The following COL17A1 variants were observed in gnomAD, a reference collection of about 807,000 sequenced individuals.
COL17A1 encodes the protein collagen alpha-1(XVII) chain.
A neutral mutation model predicts 218.4 loss-of-function variants in COL17A1; 181 were observed. The observed-to-expected ratio is 0.83, with a 90% CI of 0.73 to 0.94. COL17A1 has a LOEUF of 0.94. COL17A1 is among the 40% of genes least tolerant of loss of function. The pLI, the probability that COL17A1 is intolerant of heterozygous loss-of-function variation, is 0.00. For synonymous variants in COL17A1, 721 were observed against 731.0 expected, an observed-to-expected ratio of 0.99 and a Z score of 0.22; for missense variants, 1,924 against 1,945.9, an observed-to-expected ratio of 0.99 and a Z score of 0.21.
intron 32 of COL17A1, among the ~76,000 whole-genome samples, 165 bp downstream of exon 32, chr10:104,046,582 T>G (rs1042644027): frequency 2.0e-5 from 3 of 152,174 alleles, no homozygotes; most frequent in Admixed American, 1.3e-4. Context: ...TCTGTGCCTA[T>G]TTTTCCTTCC....
chr10:104,034,821 A>G (rs1360090867), intron 50 of COL17A1, 54 bp from the exon 51 acceptor site: 1 of 1,595,486 alleles, frequency 6.3e-7, no homozygotes, highest in Non-Finnish European at 8.5e-7. Flanking sequence ...AGGAAGCTGA[A>G]TTCCCAGCCT....
At chr10:104,081,620 C>T (rs988151547) in intron 1 of COL17A1, among the ~76,000 whole-genome samples, 10 of 152,198 alleles carry the variant, frequency 6.6e-5, no homozygotes, top group African/African-American at 2.2e-4. Context: ...TGGTTCTCTC[C>T]CTTCCTCTAA....
intron 50 of COL17A1, 100 bp from the exon 51 acceptor site, chr10:104,034,867 G>T (rs1046589421): frequency 2.0e-6 from 3 of 1,491,810 alleles, no homozygotes; most frequent in African/African-American, 1.4e-5. Flanking sequence ...CTGAAAGGAG[G>T]GGATGAGGCT....
chr10:104,039,711 C>T, intron 41 of COL17A1, 71 bp from the exon 42 acceptor site: 1 of 1,607,456 alleles, frequency 6.2e-7, no homozygotes, highest in Non-Finnish European at 8.5e-7. Flanking sequence ...GTAGAGCCTC[C>T]CCAAGATCCA....
At chr10:104,036,187 AGTGTGTGT>A (rs150057929) in intron 48 of COL17A1, among the ~76,000 whole-genome samples, 2 of 2,636 alleles carry the variant, frequency 7.6e-4, no homozygotes, top group Non-Finnish European at 1.6e-3. Context: ...TATGGAAGTG[AGTGTGTGT>A]GTGTATGGGA....
rs187810834 is a variant in COL17A1 at position 104,039,557 on chromosome 10, G to T, written c.2822-38C>A. 1,360 of 1,614,164 alleles carry T rather than the reference G, an allele frequency of 8.4e-4. 2 individuals are homozygous for T. Among genetic ancestry groups the T allele is most frequent in the Middle Eastern group, 7.9e-3 (48 of 6,062 alleles). The stretch of plus-strand genomic sequence containing the variant: ...AACACACACAGTGCAGTCAGCCAGG[G>T]TTTGGAGAGGCTCTGGCCAGAGCCA... On this transcript the variant is annotated intron_variant, in intron 42 of 55. Coordinates refer to ENST00000648076, the MANE Select transcript of COL17A1 (RefSeq NM_000494.4).
chr10:104,032,306 T>C lies in COL17A1; in HGVS notation c.4439-16A>G, dbSNP rs766881854. 12 of 1,612,320 alleles carry C rather than the reference T, an allele frequency of 7.4e-6. No homozygotes were observed. Among genetic ancestry groups the C allele is most frequent in the Admixed American group, 1.7e-5 (1 of 60,002 alleles). The stretch of plus-strand genomic sequence containing the variant: ...ACTTGGTCACCTGAAAGTTAGAAGA[T>C]CAGTAGGAAGTTAAAACATATCTTG... On this transcript the variant is annotated splice_polypyrimidine_tract_variant and intron_variant, in intron 55 of 55. Coordinates refer to ENST00000648076, the MANE Select transcript of COL17A1 (RefSeq NM_000494.4).
At position 104,034,022 on chromosome 10, in the gene COL17A1, C is replaced by G. The variant is rs1350451397; in HGVS notation, c.4079G>C (p.Gly1360Ala). Reference protein sequence around the residue: ...AAEGGMYAGNGGLLGADFAGD... With the variant: ...AAEGGMYAGNAGLLGADFAGD... ...AGCAAAGTCAGCTCCCAATAGTCCG[C>G]CATTGCCAGCATACATGCCGCCTTC... Residue 1360 changes from glycine (G) to alanine (A), a missense_variant, in exon 52 of 56, where the codon GGC (glycine) becomes GCC (alanine). Physicochemically the swap from Gly to Ala is moderately conservative, Grantham distance 60. Transcript: ENST00000648076. The G allele has an allele frequency of 6.2e-7, 1 of 1,614,206 alleles. No homozygotes were observed. Among genetic ancestry groups the G allele is most frequent in the Non-Finnish European group, 8.5e-7 (1 of 1,180,032 alleles).
At chr10:104,039,242 TA>T in intron 43 of COL17A1, 121 bp from the exon 44 acceptor site, 1 of 1,093,050 alleles carries the variant, frequency 9.1e-7, no homozygotes, top group Non-Finnish European at 1.4e-6. Flanking sequence ...CTCCTTTTTG[TA>T]ATAATACCAC....
chr10:104,061,469 A>C lies in COL17A1; in HGVS notation c.915T>G (p.Tyr305Ter). The C allele has an allele frequency of 6.2e-7, 1 of 1,613,190 alleles. No individual in the cohort carries two copies. The highest frequency in any genetic ancestry group is 8.5e-7 in the Non-Finnish European group (1 of 1,179,712). Residue 305 changes from tyrosine (Y) to a stop codon, truncating the protein, a stop_gained, in exon 13 of 56, where the codon TAT becomes TAG. Transcript: ENST00000648076. LOFTEE classifies it high-confidence loss of function. ...TCTGGGGCATGTTTTTCTTCACCCC[A>C]TATGCTGCAAGAAAGGAAGCTGGGT... ...SHGTTTTSTA[Y>*]GVKKNMPQSP... is the part of the protein sequence containing the mutation.
intron 29 of COL17A1, among the ~76,000 whole-genome samples, chr10:104,049,164 C>T (rs1169594803): frequency 6.6e-6 from 1 of 152,148 alleles, no homozygotes; most frequent in African/African-American, 2.4e-5. Flanking sequence ...ACAGGCAGCT[C>T]TTAGGTGAAT....
rs146016251 is a variant in COL17A1, at chr10:104,064,446, G to A, written c.758C>T (p.Ala253Val). ...GGCTGCCCGCCAGGTACCTGATCCC[G>A]CAGAGTAGGCATTGGTGTTGAGGAG... Reference protein sequence around the residue: ...SSLLNTNAYSAGSVFGVPNNM... With the variant: ...SSLLNTNAYSVGSVFGVPNNM... The change falls in exon 10 of 56, where the codon GCG (alanine) becomes GTG (valine). Residue 253 changes from alanine to valine, a missense_variant. Physicochemically the swap from Ala to Val is moderately conservative, Grantham distance 64. Transcript: ENST00000648076. 1.9e-4 allele frequency: 301 copies of A among 1,613,984 alleles called. No homozygotes were observed. Among genetic ancestry groups the A allele is most frequent in the Non-Finnish European group, 2.4e-4 (279 of 1,180,026 alleles).
Position 104,055,796 on chromosome 10 carries a change from A to T in COL17A1, c.1673T>A (p.Met558Lys). The part of the protein sequence containing the change: ...LWMFVRKKLM[M>K]EQENGNLRGS... ...GATGCTCTCACCATTTTCCTGTTCCATCATTAGCTTCTTCCTCACGAACAT... is the reference window on the plus strand; with the variant it reads ...GATGCTCTCACCATTTTCCTGTTCCTTCATTAGCTTCTTCCTCACGAACAT... The change falls in exon 18 of 56, where the codon ATG becomes AAG. Residue 558 changes from methionine (M) to lysine (K), a missense_variant. Coordinates refer to ENST00000648076, the MANE Select transcript of COL17A1 (RefSeq NM_000494.4). 6.2e-7 allele frequency: 1 copy of T among 1,613,998 alleles called. No individual in the cohort carries two copies. Among genetic ancestry groups the T allele is most frequent in the Non-Finnish European group, 8.5e-7 (1 of 1,180,032 alleles).
intron 6 of COL17A1, among the ~76,000 whole-genome samples, chr10:104,073,504 G>A (rs1331625494): frequency 6.6e-6 from 1 of 152,156 alleles, no homozygotes; most frequent in Non-Finnish European, 1.5e-5. Flanking sequence ...TGAATGTTAA[G>A]TTAGCTAAGG....
rs772662513 is a variant in COL17A1, at chr10:104,048,103, ACCTG to A, written c.2228-3_2228del. ...CTTGGTGTCCGTCTGGGCCAGCAGG[ACCTG>A]GTAAAGTAGAAGCAAGGTCTCTCAG... On this transcript the variant is annotated splice_acceptor_variant and splice_polypyrimidine_tract_variant and coding_sequence_variant and intron_variant, in exon 30 of 56. Coordinates refer to ENST00000648076, the MANE Select transcript of COL17A1 (RefSeq NM_000494.4). LOFTEE classifies it high-confidence loss of function. The A allele has an allele frequency of 6.0e-5, 97 of 1,614,044 alleles. No homozygotes were observed. Among genetic ancestry groups the A allele is most frequent in the African/African-American group, 5.7e-4 (43 of 74,906 alleles).
Position 104,070,527 on chromosome 10 carries a change from C to A in COL17A1, c.506G>T (p.Arg169Leu). 6.2e-7 allele frequency: 1 copy of A among 1,614,124 alleles called. No individual in the cohort carries two copies. Among genetic ancestry groups the A allele is most frequent in the Non-Finnish European group, 8.5e-7 (1 of 1,180,022 alleles). Reference sequence around the variant, plus strand: ...CCGGGTGGGGCTCACACTTGCCGATCGACTCCCCTTGAGCAAACGCTTAAC... The same window carrying A: ...CCGGGTGGGGCTCACACTTGCCGATAGACTCCCCTTGAGCAAACGCTTAAC... Reference protein sequence around the residue: ...DDVKRLLKGSRSASVSPTRNS... With the variant: ...DDVKRLLKGSLSASVSPTRNS... Residue 169 changes from arginine to leucine, a missense_variant, in exon 9 of 56, where the codon CGA becomes CTA. Coordinates refer to ENST00000648076, the MANE Select transcript of COL17A1 (RefSeq NM_000494.4).
intron 48 of COL17A1, among the ~76,000 whole-genome samples, chr10:104,036,141 TATGG>T (rs1359667926): frequency 2.8e-4 from 1 of 3,602 alleles, no homozygotes; most frequent in South Asian, 5.8e-3. Flanking sequence ...TATGTGTGTG[TATGG>T]GTGTATGGGA....
chr10:104,055,031 CTG>C (rs2086506520), intron 19 of COL17A1, 24 bp from the exon 20 acceptor site: 1 of 1,613,952 alleles, frequency 6.2e-7, no homozygotes, highest in East Asian at 2.2e-5. Context: ...GATATGAAAA[CTG>C]TGAGATGGGG....
At chr10:104,073,154 A>C in intron 7 of COL17A1, 56 bp downstream of exon 7, 1 of 1,534,166 alleles carries the variant, frequency 6.5e-7, no homozygotes, top group South Asian at 1.1e-5. Context: ...ACACACATTA[A>C]CTTCTCAGAA....
Sources: gnomAD v4.1 joint callset for allele counts (sites outside exome capture counted in the v4.1 genomes callset) on GRCh38, gnomAD v4.1.1 for gene constraint, MANE v1.5 for transcripts, NCBI Gene and HGNC (gene_info 2026-07-23, HGNC 2026-07-21) for gene names.